The following BAZ2B variants were observed in gnomAD, a reference collection of about 807,000 sequenced individuals.
BAZ2B encodes bromodomain adjacent to zinc finger domain 2B.
BAZ2B carries 91 observed loss-of-function variants against 246.0 expected under a neutral mutation model. The ratio of observed to expected loss-of-function variants is 0.37; its 90% CI spans 0.31 to 0.44. The LOEUF (loss-of-function observed/expected upper bound fraction) is 0.44. Ranked by LOEUF, BAZ2B falls within the 20% of genes least tolerant of loss-of-function variation. BAZ2B has a pLI of 1.00. For missense variants in BAZ2B, 2,332 were observed against 2,533.7 expected (o/e 0.92, Z 1.71); for synonymous variants, 855 against 860.0 (o/e 0.99, Z 0.10).
chr2:159,601,089 G>A (rs1692018102), intron 1 of BAZ2B, among the ~76,000 whole-genome samples: 1 of 152,102 alleles, frequency 6.6e-6, no homozygotes, highest in South Asian at 2.1e-4. Flanking sequence ...CAACAGCAAA[G>A]ATCTCAAGAG....
the BAZ2B span, among the ~76,000 whole-genome samples, chr2:159,645,363 C>T: frequency 6.6e-6 from 1 of 151,916 alleles, no homozygotes; most frequent in East Asian, 1.9e-4. Flanking sequence ...GCACCAGGGA[C>T]CAGTTTCGTG....
chr2:159,479,362 A>C (rs1037600695), intron 2 of BAZ2B, among the ~76,000 whole-genome samples: 1 of 152,190 alleles, frequency 6.6e-6, no homozygotes, highest in Non-Finnish European at 1.5e-5. Context: ...GTAGCCTTGC[A>C]TTGGTTTTAT....
At chr2:159,412,610 T>G in intron 13 of BAZ2B, 65 bp from the exon 14 acceptor site, 1 of 1,442,362 alleles carries the variant, frequency 6.9e-7, no homozygotes, top group Non-Finnish European at 9.4e-7. Context: ...GATCAACATG[T>G]AAGAAAATTC....
intron 2 of BAZ2B, among the ~76,000 whole-genome samples, chr2:159,552,965 T>C (rs2088507873): frequency 6.6e-6 from 1 of 152,038 alleles, no homozygotes; most frequent in Admixed American, 6.6e-5. Flanking sequence ...TTTTTTTAAG[T>C]GTGAAAAGAA....
At chr2:159,626,020 G>A in the BAZ2B span, among the ~76,000 whole-genome samples, 1 of 151,110 alleles carries the variant, frequency 6.6e-6, no homozygotes, top group Non-Finnish European at 1.5e-5. Flanking sequence ...AAAAGCAGAG[G>A]TTGCAATTCT....
chr2:159,570,118 A>G (rs1027648590), intron 1 of BAZ2B, among the ~76,000 whole-genome samples: 9 of 152,166 alleles, frequency 5.9e-5, no homozygotes, highest in African/African-American at 2.2e-4. Context: ...CTTAAAACTT[A>G]GAATGTTCTT....
At chr2:159,419,071 A>T (rs1196353322) in intron 13 of BAZ2B, among the ~76,000 whole-genome samples, 1 of 152,200 alleles carries the variant, frequency 6.6e-6, no homozygotes. Context: ...AGCGTAAGTA[A>T]ACAAAGTTAA....
rs1168546162 is a variant in BAZ2B, at chr2:159,430,880, G to A, written c.2177C>T (p.Thr726Ile). Residue 726 changes from threonine (T) to isoleucine (I), a missense_variant, in exon 10 of 37, where the codon ACT (threonine) becomes ATT (isoleucine). By Grantham distance (89) the Thr-to-Ile change is moderately conservative. This residue lies in a region of BAZ2B where 651 missense variants were observed against 650.9 expected (regional missense o/e 1.00). Transcript: ENST00000392783. ...GTAGGTACCAGAGTGTGGGCTTGAA[G>A]TAAGTGTGGAAGAAGATGTACCAAG... ...AFLGTSSSTL[T>I]SSPHSGTSKR... The A allele has an allele frequency of 6.2e-7, 1 of 1,613,554 alleles. No homozygotes were observed. Among genetic ancestry groups the A allele is most frequent in the Admixed American group, 1.7e-5 (1 of 59,984 alleles).
chr2:159,316,479 CAGG>C (rs888904827), downstream of BAZ2B, among the ~76,000 whole-genome samples: 3 of 151,522 alleles, frequency 2.0e-5, no homozygotes, highest in Non-Finnish European at 4.4e-5. Flanking sequence ...ATCACGAGGT[CAGG>C]AGATCGAGAC....
intron 25 of BAZ2B, among the ~76,000 whole-genome samples, chr2:159,380,343 T>TCA (rs2061855629): frequency 5.3e-5 from 8 of 152,336 alleles, no homozygotes; most frequent in African/African-American, 1.4e-4. Context: ...CTGGTAGGTG[T>TCA]GCTCATCCCT....
upstream of BAZ2B, among the ~76,000 whole-genome samples, chr2:159,617,772 A>AG (rs1381697916): frequency 1.3e-5 from 2 of 150,522 alleles, no homozygotes; most frequent in East Asian, 4.1e-4. Flanking sequence ...CTGCTTCATT[A>AG]GGAAAAAAAA....
Position 159,373,116 on chromosome 2 carries a change from C to T in BAZ2B, c.4142G>A (p.Arg1381His), listed in dbSNP as rs749034656. Residue 1381 changes from arginine (R) to histidine (H), a missense_variant, in exon 27 of 37, where the codon CGT becomes CAT. Arg to His is a conservative substitution (Grantham distance 29, BLOSUM62 0). Around this residue, in one of 9 missense-constraint regions of BAZ2B, gnomAD observed 676 missense variants for 668.6 expected, o/e 1.01. Transcript: ENST00000392783. Reference protein sequence around the residue: ...SLRSVMFGQDRYRRRYWILPQ... With the variant: ...SLRSVMFGQDHYRRRYWILPQ... ...AAGAATCCAGTACCGGCGTCTGTAA[C>T]GATCTTGGCCAAACATCACTGAACG... 1.9e-6 allele frequency: 3 copies of T among 1,614,076 alleles called. No homozygotes were observed. Among genetic ancestry groups the T allele is most frequent in the South Asian group, 1.1e-5 (1 of 91,088 alleles).
At chr2:159,358,386 A>G (rs931598406) in intron 27 of BAZ2B, among the ~76,000 whole-genome samples, 3 of 152,254 alleles carry the variant, frequency 2.0e-5, no homozygotes, top group African/African-American at 7.2e-5. Context: ...ATAATGGTAA[A>G]GGGATCAACA....
the BAZ2B span, among the ~76,000 whole-genome samples, chr2:159,670,550 A>G: frequency 6.6e-6 from 1 of 152,206 alleles, no homozygotes; most frequent in African/African-American, 2.4e-5. Context: ...TAGTAGTTGT[A>G]TAAGTTACTA....
intron 9 of BAZ2B, 136 bp downstream of exon 9, chr2:159,432,621 C>G: frequency 8.4e-7 from 1 of 1,185,582 alleles, no homozygotes; most frequent in Non-Finnish European, 1.2e-6. Context: ...ATTTTATGAG[C>G]TCATTATAGA....
At chr2:159,607,060 G>A (rs1296506393) in intron 1 of BAZ2B, among the ~76,000 whole-genome samples, 3 of 151,520 alleles carry the variant, frequency 2.0e-5, no homozygotes, top group Non-Finnish European at 4.4e-5. Context: ...TCACCATGTT[G>A]ACCAGGCTGG....
the BAZ2B span, among the ~76,000 whole-genome samples, chr2:159,634,677 A>G: frequency 5.3e-5 from 8 of 152,232 alleles, no homozygotes; most frequent in Non-Finnish European, 1.0e-4. Flanking sequence ...ATACTGAATG[A>G]TAACTTCCTT....
chr2:159,557,533 T>C (rs2089328012), intron 1 of BAZ2B, among the ~76,000 whole-genome samples: 1 of 152,186 alleles, frequency 6.6e-6, no homozygotes, highest in South Asian at 2.1e-4. Flanking sequence ...CCTTGACACT[T>C]GCTCTTCCCT....
chr2:159,399,891 G>C (rs1227857027), intron 17 of BAZ2B, among the ~76,000 whole-genome samples: 2 of 152,282 alleles, frequency 1.3e-5, no homozygotes, highest in Non-Finnish European at 1.5e-5. Context: ...TACACTAAAC[G>C]TAATTTGGCG....
Sources: gnomAD v4.1 joint callset for allele counts (sites outside exome capture counted in the v4.1 genomes callset) on GRCh38, gnomAD v4.1.1 for gene constraint, gnomAD v4.1.1 regional missense constraint, MANE v1.5 for transcripts, NCBI Gene and HGNC (gene_info 2026-07-23, HGNC 2026-07-21) for gene names.